Variants in MAST4 observed in about 807,000 individuals in gnomAD.
MAST4 encodes microtubule-associated serine/threonine-protein kinase 4.
MAST4 carries 89 observed loss-of-function variants against 162.7 expected under a neutral mutation model. The ratio of observed to expected loss-of-function variants is 0.55; its 90% CI spans 0.46 to 0.65. The LOEUF is 0.65. Ranked by LOEUF, MAST4 falls within the 30% of genes least tolerant of loss-of-function variation. The pLI is 0.00. For synonymous variants in MAST4, 1,479 were observed against 1,361.1 expected (o/e 1.09, Z -1.91); for missense variants, 3,153 against 3,374.0 (o/e 0.93, Z 1.62).
At chr5:66,857,086 C>T (rs919228269) in intron 3 of MAST4, among the ~76,000 whole-genome samples, 3 of 152,188 alleles carry the variant, frequency 2.0e-5, no homozygotes, top group African/African-American at 7.2e-5. Context: ...CTTCTCTGCC[C>T]TCCCTCCCAG....
chr5:67,134,445 A>G lies in MAST4; in HGVS notation c.2227-78A>G, dbSNP rs192790161. 1.0e-4 allele frequency: 144 copies of G among 1,375,484 alleles called. No homozygotes were observed. The Admixed American group carries it at 2.0e-3, about 19-fold the overall frequency. 85.2% of individuals were successfully genotyped at this position (1,375,484 alleles called of 1,614,324 possible). ...TGAGCAGGTGCATTCTGGGCAAAAT[A>G]ATTGGTGACTAGCCATCTTGCTCAT... On this transcript the variant is annotated intron_variant, in intron 17 of 28. Transcript: ENST00000403625.
chr5:66,984,985 T>A (rs1444847901), intron 4 of MAST4, among the ~76,000 whole-genome samples: 1 of 152,072 alleles, frequency 6.6e-6, no homozygotes, highest in Non-Finnish European at 1.5e-5. Context: ...AGAAGTTAGG[T>A]CTGGAGAAGT....
At chr5:66,995,220 C>A (rs748175569) in intron 4 of MAST4, among the ~76,000 whole-genome samples, 4 of 152,116 alleles carry the variant, frequency 2.6e-5, no homozygotes, top group South Asian at 4.1e-4. Flanking sequence ...TTTATTAATG[C>A]ATATGCATTA....
intron 4 of MAST4, among the ~76,000 whole-genome samples, chr5:67,005,947 G>A (rs1490828687): frequency 6.6e-6 from 1 of 152,238 alleles, no homozygotes; most frequent in Non-Finnish European, 1.5e-5. Flanking sequence ...CAGATAAACA[G>A]GATGCAGGCT....
At chr5:66,732,017 T>C (rs141476533) in intron 1 of MAST4, among the ~76,000 whole-genome samples, 1 of 152,120 alleles carries the variant, frequency 6.6e-6, no homozygotes, top group East Asian at 2.0e-4. Flanking sequence ...CTTCCTGTGA[T>C]ACCAGTCCCA....
chr5:66,659,955 TTGCTTGTGAAGACA>T (rs899109106), intron 1 of MAST4, among the ~76,000 whole-genome samples: 5 of 150,018 alleles, frequency 3.3e-5, no homozygotes, highest in Non-Finnish European at 1.5e-5. Context: ...AGAGATGTGG[TTGCTTGTGAAGACA>T]TGCTTGTGAA....
At chr5:66,989,890 C>A (rs1749886842) in intron 4 of MAST4, among the ~76,000 whole-genome samples, 1 of 151,838 alleles carries the variant, frequency 6.6e-6, no homozygotes. Context: ...ATTCAGAGAC[C>A]AGACACATAA....
At chr5:66,775,592 GA>G (rs1754561443) in intron 2 of MAST4, among the ~76,000 whole-genome samples, 1 of 152,196 alleles carries the variant, frequency 6.6e-6, no homozygotes, top group Non-Finnish European at 1.5e-5. Flanking sequence ...ATTGTTTTGT[GA>G]AGCAATTGGC....
intron 1 of MAST4, among the ~76,000 whole-genome samples, chr5:66,754,271 C>T (rs1580372005): frequency 6.6e-6 from 1 of 152,108 alleles, no homozygotes; most frequent in African/African-American, 2.4e-5. Context: ...TATATGCTAG[C>T]AGGGATACAG....
chr5:66,633,144 T>C (rs567817148), intron 1 of MAST4, among the ~76,000 whole-genome samples: 1 of 152,198 alleles, frequency 6.6e-6, no homozygotes, highest in Admixed American at 6.5e-5. Context: ...ATACCCCAGT[T>C]TGAGAGTCTG....
chr5:66,933,915 C>T (rs895359560), intron 4 of MAST4, among the ~76,000 whole-genome samples: 1 of 151,930 alleles, frequency 6.6e-6, no homozygotes, highest in Non-Finnish European at 1.5e-5. Flanking sequence ...TGGTGTTGAA[C>T]TCCTGGCTTC....
chr5:66,905,324 AAAAAT>A (rs1763282955), intron 4 of MAST4, among the ~76,000 whole-genome samples: 2 of 147,490 alleles, frequency 1.4e-5, no homozygotes, highest in African/African-American at 5.0e-5. Flanking sequence ...AAAAAAAAAA[AAAAAT>A]GGGATATCCA....
intron 1 of MAST4, among the ~76,000 whole-genome samples, chr5:66,672,285 A>G (rs1036111381): frequency 6.6e-6 from 1 of 152,216 alleles, no homozygotes; most frequent in African/African-American, 2.4e-5. Context: ...GGGAAGCATC[A>G]TCTTTTCATC....
At chr5:67,057,436 G>A (rs999130199) in intron 5 of MAST4, among the ~76,000 whole-genome samples, 2 of 152,096 alleles carry the variant, frequency 1.3e-5, no homozygotes, top group Non-Finnish European at 2.9e-5. Flanking sequence ...AGATGTATCA[G>A]TAGAGATGGG....
intron 4 of MAST4, among the ~76,000 whole-genome samples, chr5:66,947,159 A>T (rs1744128606): frequency 6.6e-6 from 1 of 151,998 alleles, no homozygotes; most frequent in Admixed American, 6.6e-5. Context: ...ATGATGTACT[A>T]ATTCTTTTCA....
At chr5:66,666,745 A>C (rs74948659) in intron 1 of MAST4, among the ~76,000 whole-genome samples, 3,729 of 152,332 alleles carry the variant, frequency 0.024, 163 homozygotes, top group African/African-American at 0.086. Context: ...TTATCGTTTT[A>C]AATATTACTT....
intron 4 of MAST4, among the ~76,000 whole-genome samples, chr5:66,927,685 T>C (rs1033212055): frequency 3.9e-5 from 6 of 152,160 alleles, no homozygotes; most frequent in Admixed American, 2.6e-4. Context: ...AAGGAAGCAA[T>C]GTACTGGACC....
intron 4 of MAST4, among the ~76,000 whole-genome samples, chr5:67,049,023 G>GTGTATATATATACACTTA (rs1554087405): frequency 1.2e-5 from 1 of 85,666 alleles, no homozygotes; most frequent in Non-Finnish European, 2.3e-5. Context: ...ATATATATAC[G>GTGTATATATATACACTTA]TATATATATA....
Position 67,165,852 on chromosome 5 carries a change from A to G in MAST4, c.6673A>G (p.Lys2225Glu). ...ACCAAGTGTCGGGGCCACAAAGGGC[A>G]AAGAGCCTGCCACTCAGTCCCTCGG... is the stretch of plus-strand genomic sequence containing the variant. Reference protein sequence around the residue: ...QKPSVGATKGKEPATQSLGGS... With the variant: ...QKPSVGATKGEEPATQSLGGS... Residue 2225 changes from lysine (K) to glutamate (E), a missense_variant, in exon 29 of 29, where the codon AAA becomes GAA. Coordinates refer to ENST00000403625, the MANE Select transcript of MAST4 (RefSeq NM_001164664.2). 6.2e-7 allele frequency: 1 copy of G among 1,613,196 alleles called. No homozygotes were observed. Among genetic ancestry groups the G allele is most frequent in the African/African-American group, 1.3e-5 (1 of 75,082 alleles).
Sources: allele counts gnomAD v4.1 joint callset (sites outside exome capture counted in the v4.1 genomes callset), GRCh38; gene constraint gnomAD v4.1.1; transcripts MANE v1.5; gene names NCBI Gene and HGNC (gene_info 2026-07-23, HGNC 2026-07-21).